The following CLCN5 variants were observed in gnomAD, a reference collection of about 807,000 sequenced individuals.
The protein encoded by CLCN5 is Cl-/H+ antiporter 5, also known as H(+)/Cl(-) exchange transporter 5.
In CLCN5, 17 loss-of-function variants were observed where a neutral mutation model predicts 54.0. That is an observed-to-expected ratio of 0.31 (90% confidence interval 0.22 to 0.47). CLCN5 has a LOEUF of 0.47. CLCN5 is among the 20% of genes least tolerant of loss of function. The probability of loss-of-function intolerance (pLI) is 1.00; values close to 1 mark genes in which losing one functional copy is unlikely to be tolerated. For missense variants in CLCN5, 448 were observed against 646.7 expected (o/e 0.69, Z 3.33); for synonymous variants, 222 against 233.0 (o/e 0.95, Z 0.43).
intron 3 of CLCN5, among the ~76,000 whole-genome samples, chrX:49,986,744 A>C (rs1190318314): frequency 4.5e-5 from 5 of 112,077 alleles, no homozygotes; most frequent in African/African-American, 1.6e-4. Context: ...TCTTTCCACT[A>C]GTAGATTATT....
rs1557181799 is a variant in CLCN5, at chrX:50,008,202, T to C, written c.17-34114T>C. Among the ~76,000 whole-genome samples the C allele has an allele frequency of 2.7e-5, 3 of 112,312 alleles. No individual in the cohort carries two copies. The South Asian group carries it at 1.1e-3, about 42-fold the overall frequency. On this transcript the variant is annotated intron_variant, in intron 3 of 14. Transcript: ENST00000376091. ...GGGATCATGAGCTTTGGCGTTATAT[T>C]CATTCTCTCTTTCCTCCCTTTCACA... is the stretch of plus-strand genomic sequence containing the variant.
rs782058100 is a variant in CLCN5 at position 50,033,305 on chromosome X, G to A, written c.17-9011G>A. Among the ~76,000 whole-genome samples, 813 of 111,630 alleles carry A rather than the reference G, an allele frequency of 7.3e-3. 5 individuals are homozygous for A. The highest frequency in any genetic ancestry group is 0.011 in the Non-Finnish European group (561 of 53,093). On this transcript the variant is annotated intron_variant, in intron 3 of 14. Coordinates refer to ENST00000376091, the MANE Select transcript of CLCN5 (RefSeq NM_001127898.4). ...GCCCAAAATCTCCTTAAGCTGATAA[G>A]CAACTTCAGCAAAGTCTCAAGATAC...
In CLCN5 at chrX:50,069,796, G is replaced by A; in HGVS notation, c.164-83G>A. The A allele has an allele frequency of 2.7e-6, 3 of 1,103,843 alleles. No individual in the cohort carries two copies. The South Asian group carries it at 7.1e-5, about 26-fold the overall frequency. 91.0% of individuals were successfully genotyped at this position (1,103,843 alleles called of 1,213,427 possible). A position where few individuals can be genotyped will look rare whatever the true frequency, so the allele number is the denominator to read the frequency against. On this transcript the variant is annotated intron_variant, in intron 4 of 14. Coordinates refer to ENST00000376091, the MANE Select transcript of CLCN5 (RefSeq NM_001127898.4). The stretch of plus-strand genomic sequence containing the variant: ...ACTGTAGTCATCTGATAGTTTAAGG[G>A]CCCGCCTTTTGGAACCAAAAAGAAT...
In CLCN5 at chrX:50,096,798, G is replaced by A. The variant is rs189953178; in HGVS notation, c.*4579G>A. ...TGGCATTTATAAACTGCTTGATTGT[G>A]TGCCTCAAGGGGAGAAAAAGTCAAG... On this transcript the variant is annotated 3_prime_UTR_variant, in exon 15 of 15. Coordinates refer to ENST00000376091, the MANE Select transcript of CLCN5 (RefSeq NM_001127898.4). The A allele has an allele frequency of 8.9e-6, 1 of 112,497 alleles. No individual in the cohort carries two copies. Among genetic ancestry groups the A allele is most frequent in the Admixed American group, 9.5e-5 (1 of 10,491 alleles). 9.3% of individuals were successfully genotyped at this position (112,497 alleles called of 1,213,427 possible).
At chrX:49,984,593 CTCT>C (rs1256909777) in intron 3 of CLCN5, among the ~76,000 whole-genome samples, 2 of 108,968 alleles carry the variant, frequency 1.8e-5, no homozygotes, top group African/African-American at 6.7e-5. Flanking sequence ...TTCGTTCCTT[CTCT>C]TCTTTTCTTT....
chrX:49,977,472 A>T (rs1011618627), intron 3 of CLCN5, among the ~76,000 whole-genome samples: 6 of 111,551 alleles, frequency 5.4e-5, no homozygotes, highest in Non-Finnish European at 9.4e-5. Context: ...AAAGTCTGAC[A>T]TCAAATAAGT....
chrX:49,944,526 A>T, intron 3 of CLCN5, among the ~76,000 whole-genome samples: 1 of 111,911 alleles, frequency 8.9e-6, no homozygotes. Context: ...ATTCAGTATG[A>T]TATTGGCTGT....
intron 3 of CLCN5, among the ~76,000 whole-genome samples, chrX:49,934,643 A>T (rs1557169345): frequency 8.9e-6 from 1 of 111,784 alleles, no homozygotes; most frequent in East Asian, 2.8e-4. Flanking sequence ...ATCCAGGAGG[A>T]ACATAGAACA....
At chrX:50,022,711 T>G (rs1931162909) in intron 3 of CLCN5, among the ~76,000 whole-genome samples, 1 of 78,770 alleles carries the variant, frequency 1.3e-5, no homozygotes, top group Admixed American at 1.4e-4. Flanking sequence ...AACATCTTTA[T>G]TTCTGCCTTC....
chrX:50,031,203 T>G (rs1339344365), intron 3 of CLCN5, among the ~76,000 whole-genome samples: 1 of 112,498 alleles, frequency 8.9e-6, no homozygotes, highest in African/African-American at 3.2e-5. Context: ...TATCTACCAA[T>G]GTATTTTGCC....
rs1338560540 is a variant in CLCN5 at position 50,092,349 on chromosome X, A to G, written c.*130A>G. ...CACATTAGTGTGTTGTCTCTTTCCT[A>G]CAAGTTAACCAGTTGCACTACATAA... is the stretch of plus-strand genomic sequence containing the variant. On this transcript the variant is annotated 3_prime_UTR_variant, in exon 15 of 15. Transcript: ENST00000376091. 7 of 506,738 alleles carry G rather than the reference A, an allele frequency of 1.4e-5. No homozygotes were observed. Among genetic ancestry groups the G allele is most frequent in the African/African-American group, 2.3e-5 (1 of 43,046 alleles). 41.8% of individuals were successfully genotyped at this position (506,738 alleles called of 1,213,427 possible).
At chrX:49,962,309 C>T (rs910139078) in intron 3 of CLCN5, among the ~76,000 whole-genome samples, 20 of 111,377 alleles carry the variant, frequency 1.8e-4, no homozygotes, top group Admixed American at 1.9e-4. Context: ...CAGGAAACAC[C>T]GCTTCTCCCA....
Position 49,966,602 on chromosome X carries a change from T to TA in CLCN5, c.16+41288_16+41289insA, listed in dbSNP as rs1927880029. Among the ~76,000 whole-genome samples, 18 of 19,068 alleles carry TA rather than the reference T, an allele frequency of 9.4e-4. 5 individuals carry two copies. Among genetic ancestry groups the TA allele is most frequent in the African/African-American group, 4.2e-3 (17 of 4,003 alleles). 16.6% of individuals were successfully genotyped at this position (19,068 alleles called of 115,157 possible). Reference sequence around the variant, plus strand: ...TATATCTCTGATCTTTTTTTTTTTTTTTTTTTTTTATTTTTTTATTTTTTT... The same window carrying TA: ...TATATCTCTGATCTTTTTTTTTTTTTATTTTTTTTTATTTTTTTATTTTTTT... On this transcript the variant is annotated intron_variant, in intron 3 of 14. Coordinates refer to ENST00000376091, the MANE Select transcript of CLCN5 (RefSeq NM_001127898.4).
chrX:50,090,267 C>G lies in CLCN5; in HGVS notation c.1896C>G (p.Ile632Met). The change falls in exon 13 of 15, where the codon ATC (isoleucine) becomes ATG (methionine). Residue 632 changes from isoleucine to methionine, a missense_variant. By Grantham distance (10) the Ile-to-Met change is conservative (BLOSUM62 1). Coordinates refer to ENST00000376091, the MANE Select transcript of CLCN5 (RefSeq NM_001127898.4). ...LGREGIYDAH[I>M]RLNGYPFLEA... is the part of the protein sequence containing the mutation. ...GGGAGGGCATCTATGATGCCCACATCCGTCTCAATGGATACCCCTTTCTTG... is the reference window on the plus strand; with the variant it reads ...GGGAGGGCATCTATGATGCCCACATGCGTCTCAATGGATACCCCTTTCTTG... 8.3e-7 allele frequency: 1 copy of G among 1,211,687 alleles called. No individual in the cohort carries two copies. The highest frequency in any genetic ancestry group is 2.3e-4 in the Middle Eastern group (1 of 4,352).
chrX:49,962,469 C>T (rs1269332603), intron 3 of CLCN5, among the ~76,000 whole-genome samples: 2 of 111,606 alleles, frequency 1.8e-5, no homozygotes, highest in Non-Finnish European at 3.8e-5. Context: ...ATAGCAGCGG[C>T]GAATCCCTAA....
chrX:49,971,070 G>A (rs1159946787), intron 3 of CLCN5, among the ~76,000 whole-genome samples: 6 of 108,602 alleles, frequency 5.5e-5, no homozygotes, highest in Non-Finnish European at 7.6e-5. Flanking sequence ...ATTTATAAAC[G>A]CAATTGTTTT....
intron 4 of CLCN5, chrX:50,067,632 G>A (rs1383894857): frequency 2.7e-6 from 2 of 750,536 alleles, no homozygotes; most frequent in Non-Finnish European, 3.1e-6. Flanking sequence ...AGAGAATGCA[G>A]CAAGTGCCCT....
chrX:50,032,597 T>C lies in CLCN5; in HGVS notation c.17-9719T>C, dbSNP rs782570355. 3.7e-4 allele frequency among the ~76,000 whole-genome samples: 40 copies of C among 107,620 alleles called. No homozygotes were observed. In the East Asian group the frequency reaches 0.011, roughly 30 times the overall value. 93.5% of individuals were successfully genotyped at this position (107,620 alleles called of 115,157 possible). Reference sequence around the variant, plus strand: ...TTTTTTTCTTGTAAATTTGTTTGAGTTCATTGTACATTCTGGATATTAGCC... The same window carrying C: ...TTTTTTTCTTGTAAATTTGTTTGAGCTCATTGTACATTCTGGATATTAGCC... On this transcript the variant is annotated intron_variant, in intron 3 of 14. Transcript: ENST00000376091.
intron 4 of CLCN5, among the ~76,000 whole-genome samples, chrX:50,052,487 T>A (rs1323386540): frequency 8.9e-6 from 1 of 111,843 alleles, no homozygotes; most frequent in Admixed American, 9.5e-5. Context: ...TGAAAGGTAT[T>A]AATCTGTAGT....
Sources: gnomAD v4.1 joint callset for allele counts (sites outside exome capture counted in the v4.1 genomes callset) on GRCh38, gnomAD v4.1.1 for gene constraint, MANE v1.5 for transcripts, NCBI Gene and HGNC (gene_info 2026-07-23, HGNC 2026-07-21) for gene names.